NEO1: variants seen among roughly 807,000 people sequenced by gnomAD.
The protein encoded by NEO1 is neogenin 1.
In NEO1, 63 loss-of-function variants were observed where a neutral mutation model predicts 159.7. That is an observed-to-expected ratio of 0.39 (90% CI 0.32 to 0.49). The LOEUF is 0.49. NEO1 is among the 20% of genes least tolerant of loss of function. The pLI is 0.85. For missense variants in NEO1, 1,615 were observed against 1,831.0 expected (o/e 0.88, Z 2.15); for synonymous variants, 633 against 662.0 (o/e 0.96, Z 0.67).
chr15:73,258,314 A>G (rs2040463072), intron 13 of NEO1, among the ~76,000 whole-genome samples: 1 of 152,246 alleles, frequency 6.6e-6, no homozygotes, highest in Non-Finnish European at 1.5e-5. Context: ...GGCTCAGAGA[A>G]CAGAGGTAAC....
chr15:73,063,131 G>A (rs1011842631), intron 1 of NEO1, among the ~76,000 whole-genome samples: 4 of 152,166 alleles, frequency 2.6e-5, no homozygotes, highest in African/African-American at 9.7e-5. Context: ...GAGGCTTATT[G>A]AGAAACACCT....
At chr15:73,132,502 G>A (rs1414180441) in intron 4 of NEO1, among the ~76,000 whole-genome samples, 2 of 152,094 alleles carry the variant, frequency 1.3e-5, no homozygotes, top group African/African-American at 4.8e-5. Flanking sequence ...GACCCTGAAT[G>A]CAAAAGCAAA....
At chr15:73,108,874 G>T (rs928730620) in intron 1 of NEO1, among the ~76,000 whole-genome samples, 3 of 152,128 alleles carry the variant, frequency 2.0e-5, no homozygotes. Flanking sequence ...CGTGAGAAAG[G>T]ACATGGCTTG....
intron 7 of NEO1, among the ~76,000 whole-genome samples, chr15:73,202,078 C>G (rs1347706446): frequency 1.3e-5 from 2 of 151,212 alleles, no homozygotes; most frequent in African/African-American, 2.4e-5. Flanking sequence ...ATTCTCCTGC[C>G]TCAGCCTCCC....
At chr15:73,151,710 A>T (rs2033386194) in intron 5 of NEO1, among the ~76,000 whole-genome samples, 1 of 152,202 alleles carries the variant, frequency 6.6e-6, no homozygotes, top group Admixed American at 6.5e-5. Flanking sequence ...CACCCCCATG[A>T]TTCAGTTACC....
intron 7 of NEO1, among the ~76,000 whole-genome samples, chr15:73,205,352 G>A (rs1291494486): frequency 6.6e-6 from 1 of 152,174 alleles, no homozygotes; most frequent in Middle Eastern, 3.2e-3. Context: ...GAAAGCTGAA[G>A]AAAATTGGAG....
At chr15:73,153,745 C>G (rs552345138) in intron 5 of NEO1, among the ~76,000 whole-genome samples, 35 of 152,174 alleles carry the variant, frequency 2.3e-4, no homozygotes, top group Non-Finnish European at 4.1e-4. Flanking sequence ...CAATACCTGA[C>G]TTACATCTGA....
intron 7 of NEO1, among the ~76,000 whole-genome samples, chr15:73,222,532 T>A (rs980842387): frequency 2.6e-5 from 4 of 152,190 alleles, no homozygotes; most frequent in Non-Finnish European, 5.9e-5. Flanking sequence ...GTTTTCTAGT[T>A]TATGTGCATA....
intron 1 of NEO1, among the ~76,000 whole-genome samples, chr15:73,095,205 CTT>C (rs1378098378): frequency 7.3e-6 from 1 of 136,990 alleles, no homozygotes; most frequent in African/African-American, 3.0e-5. Context: ...GAGACTCTGT[CTT>C]AAAAAAAAAA....
At chr15:73,143,090 C>G (rs938824526) in intron 5 of NEO1, 4 of 153,178 alleles carry the variant, frequency 2.6e-5, no homozygotes, top group African/African-American at 9.7e-5. Flanking sequence ...AGAACGCATT[C>G]AGTCAGGGTA....
intron 3 of NEO1, among the ~76,000 whole-genome samples, chr15:73,123,542 T>A (rs1010794586): frequency 1.6e-4 from 24 of 152,146 alleles, no homozygotes; most frequent in Non-Finnish European, 7.4e-5. Flanking sequence ...TACTCCCCAT[T>A]TTAGTGTAAA....
Position 73,222,516 on chromosome 15 carries a change from T to G in NEO1, c.1292-13831T>G, listed in dbSNP as rs138574804. Reference sequence around the variant, plus strand: ...ACTTTTCCAGGAATTTATCCATCCCTTCTAGGTTTTCTAGTTTATGTGCAT... The same window carrying G: ...ACTTTTCCAGGAATTTATCCATCCCGTCTAGGTTTTCTAGTTTATGTGCAT... On this transcript the variant is annotated intron_variant, in intron 7 of 28. Coordinates refer to ENST00000261908, the MANE Select transcript of NEO1 (RefSeq NM_002499.4). Among the ~76,000 whole-genome samples, 362 of 152,252 alleles carry G rather than the reference T, an allele frequency of 2.4e-3. 3 individuals are homozygous for G. The highest frequency in any genetic ancestry group is 7.5e-3 in the African/African-American group (310 of 41,542).
chr15:73,198,756 T>C (rs1219013247), intron 7 of NEO1, among the ~76,000 whole-genome samples: 3 of 152,082 alleles, frequency 2.0e-5, no homozygotes, highest in Admixed American at 6.6e-5. Context: ...AGAATTACTT[T>C]CTAGTCCACT....
chr15:73,068,228 C>CG (rs2068329368), intron 1 of NEO1, among the ~76,000 whole-genome samples: 3 of 111,498 alleles, frequency 2.7e-5, no homozygotes, highest in Non-Finnish European at 6.5e-5. Context: ...CCCCTACCCC[C>CG]CCCCCTTTTT....
Position 73,302,698 on chromosome 15 carries a change from G to C in NEO1, c.*2G>C. ...CTAAACGCTATCACAACAGCATGAC[G>C]ACCTTCACCAGGACCTGACTTCAAA... is the stretch of plus-strand genomic sequence containing the variant. On this transcript the variant is annotated 3_prime_UTR_variant, in exon 29 of 29. Coordinates refer to ENST00000261908, the MANE Select transcript of NEO1 (RefSeq NM_002499.4). The C allele has an allele frequency of 6.2e-7, 1 of 1,613,480 alleles. No homozygotes were observed. The highest frequency in any genetic ancestry group is 8.5e-7 in the Non-Finnish European group (1 of 1,179,616).
chr15:73,235,559 G>T lies in NEO1; in HGVS notation c.1292-788G>T, dbSNP rs547763396. Among the ~76,000 whole-genome samples the T allele has an allele frequency of 4.6e-5, 7 of 152,310 alleles. No homozygotes were observed. In the South Asian group the frequency reaches 1.2e-3, roughly 27 times the overall value. On this transcript the variant is annotated intron_variant, in intron 7 of 28. Transcript: ENST00000261908. Reference sequence around the variant, plus strand: ...TCCTTGAGGTCTGCAAGCTGTTTCAGTATACATCGCAGTGAAGAGTGTAAC... The same window carrying T: ...TCCTTGAGGTCTGCAAGCTGTTTCATTATACATCGCAGTGAAGAGTGTAAC...
intron 7 of NEO1, among the ~76,000 whole-genome samples, chr15:73,185,568 T>G (rs143880392): frequency 0.014 from 2,074 of 152,302 alleles, 19 homozygotes; most frequent in South Asian, 0.017. Flanking sequence ...CGAAGATAGT[T>G]TGGCAGTTTC....
chr15:73,157,606 G>A (rs2033875936), intron 5 of NEO1, among the ~76,000 whole-genome samples: 1 of 152,280 alleles, frequency 6.6e-6, no homozygotes. Flanking sequence ...CTGGCCACAC[G>A]GGTTACCTGT....
chr15:73,274,050 G>GTCAGCATAGCCCCACTAAA, intron 20 of NEO1, 45 bp downstream of exon 20: 2 of 1,560,644 alleles, frequency 1.3e-6, no homozygotes, highest in Non-Finnish European at 1.8e-6. Flanking sequence ...TCTCTTTAGT[G>GTCAGCATAGCCCCACTAAA]GGGCTATGCT....
Sources: allele counts gnomAD v4.1 joint callset (sites outside exome capture counted in the v4.1 genomes callset), GRCh38; gene constraint gnomAD v4.1.1; transcripts MANE v1.5; gene names NCBI Gene and HGNC (gene_info 2026-07-23, HGNC 2026-07-21).